The following POU2F1 variants were observed in gnomAD, a reference collection of about 807,000 sequenced individuals.
POU2F1 encodes the protein POU class 2 homeobox 1.
POU2F1 carries 16 observed loss-of-function variants against 84.9 expected under a neutral mutation model. That is an observed-to-expected ratio of 0.19 (90% CI 0.13 to 0.29). POU2F1 has a LOEUF of 0.29. POU2F1 is among the 10% of genes least tolerant of loss of function. The pLI, the probability that POU2F1 is intolerant of heterozygous loss-of-function variation, is 1.00. For synonymous variants in POU2F1, 368 were observed against 368.3 expected, an observed-to-expected ratio of 1.00 and a Z score of 0.01; for missense variants, 738 against 942.6, an observed-to-expected ratio of 0.78 and a Z score of 2.84.
chr1:167,329,227 A>G, intron 1 of POU2F1: 5 of 1,542,836 alleles, frequency 3.2e-6, no homozygotes, highest in Non-Finnish European at 4.4e-6. Context: ...CCAAACTGCT[A>G]CCTGTTTCTT....
chr1:167,251,804 G>A (rs1235761775), intron 1 of POU2F1, among the ~76,000 whole-genome samples: 1 of 151,286 alleles, frequency 6.6e-6, no homozygotes, highest in East Asian at 1.9e-4. Context: ...AATGGATAAC[G>A]TAAAATAATT....
At chr1:167,262,589 G>C (rs562753979) in intron 1 of POU2F1, among the ~76,000 whole-genome samples, 87 of 152,324 alleles carry the variant, frequency 5.7e-4, no homozygotes, top group African/African-American at 1.9e-3. Context: ...GAGGGAGCTA[G>C]AAGTTGTTTA....
At chr1:167,291,828 CATTT>C (rs1653945994) in intron 1 of POU2F1, among the ~76,000 whole-genome samples, 1 of 152,082 alleles carries the variant, frequency 6.6e-6, no homozygotes, top group Non-Finnish European at 1.5e-5. Context: ...TTAATAGCCT[CATTT>C]AGCCTCCTAA....
chr1:167,330,239 A>G (rs939106108), intron 1 of POU2F1, among the ~76,000 whole-genome samples: 3 of 152,112 alleles, frequency 2.0e-5, no homozygotes, highest in Non-Finnish European at 4.4e-5. Context: ...CTATATTGTC[A>G]TTTTCTGCAC....
In POU2F1 at chr1:167,396,273, G is replaced by A; in HGVS notation, c.988-13G>A. 1 of 1,613,792 alleles carries A rather than the reference G, an allele frequency of 6.2e-7. No homozygotes were observed. Among genetic ancestry groups the A allele is most frequent in the South Asian group, 1.1e-5 (1 of 91,036 alleles). ...CTTTCCTCTCCTCTTCTCCTGCTCT[G>A]TATTGTGTGTAGGGTGATGTTGGGC... On this transcript the variant is annotated splice_polypyrimidine_tract_variant and intron_variant, in intron 9 of 15. Transcript: ENST00000367866.
chr1:167,353,845 C>T (rs1220029827), intron 2 of POU2F1, among the ~76,000 whole-genome samples: 1 of 152,190 alleles, frequency 6.6e-6, no homozygotes, highest in East Asian at 1.9e-4. Flanking sequence ...CCTCAGAAGG[C>T]TTCTGTAGGC....
intron 1 of POU2F1, among the ~76,000 whole-genome samples, chr1:167,289,815 G>A (rs1653790352): frequency 6.6e-6 from 1 of 152,110 alleles, no homozygotes; most frequent in Admixed American, 6.6e-5. Flanking sequence ...TTGCTGGCTT[G>A]TGTTCTGTTC....
intron 1 of POU2F1, among the ~76,000 whole-genome samples, chr1:167,321,834 T>A (rs1204673881): frequency 6.6e-6 from 1 of 152,174 alleles, no homozygotes; most frequent in East Asian, 1.9e-4. Flanking sequence ...TCCTGCATCA[T>A]ATGTTGACTT....
chr1:167,232,241 T>C (rs927962594), intron 1 of POU2F1, among the ~76,000 whole-genome samples: 1 of 152,222 alleles, frequency 6.6e-6, no homozygotes, highest in Non-Finnish European at 1.5e-5. Flanking sequence ...TACAATCACG[T>C]ACCGCATAAT....
intron 1 of POU2F1, among the ~76,000 whole-genome samples, chr1:167,287,399 T>A (rs1221585861): frequency 6.6e-6 from 1 of 152,140 alleles, no homozygotes; most frequent in East Asian, 1.9e-4. Context: ...CTCATATTCC[T>A]CCAGATTAAA....
Position 167,372,033 on chromosome 1 carries a change from T to G in POU2F1, c.399T>G (p.Thr133=), listed in dbSNP as rs1292713465. The G allele has an allele frequency of 6.2e-7, 1 of 1,610,140 alleles. No homozygotes were observed. The highest frequency in any genetic ancestry group is 8.5e-7 in the Non-Finnish European group (1 of 1,178,542). ...TTATGCTAGCTGGAGGACAGATAAC[T>G]GGGGTAAGTGTTCACTGAGAGAATT... ...TQLMLAGGQI[T]GLTLTPAQQQ... is the part of the protein sequence containing the mutation. The change falls in exon 5 of 16, where the codon ACT becomes ACG. Residue 133 remains threonine (T), a synonymous_variant. Coordinates refer to ENST00000367866, the MANE Select transcript of POU2F1 (RefSeq NM_002697.4).
intron 13 of POU2F1, among the ~76,000 whole-genome samples, chr1:167,406,837 A>G (rs78420094): frequency 0.013 from 2,051 of 152,116 alleles, 25 homozygotes; most frequent in Non-Finnish European, 0.021. Flanking sequence ...GAAAACTACA[A>G]TTTGCTGAAA....
chr1:167,364,259 C>G (rs2101826055), intron 2 of POU2F1, among the ~76,000 whole-genome samples: 1 of 152,294 alleles, frequency 6.6e-6, no homozygotes, highest in South Asian at 2.1e-4. Context: ...AAAGCTCTTG[C>G]ATGGCTCACG....
chr1:167,289,472 G>A (rs1202061689), intron 1 of POU2F1, among the ~76,000 whole-genome samples: 2 of 152,190 alleles, frequency 1.3e-5, no homozygotes, highest in Non-Finnish European at 2.9e-5. Flanking sequence ...TCTCTCTGAG[G>A]AGGTGACATT....
At chr1:167,310,750 T>C (rs536801952) in intron 1 of POU2F1, among the ~76,000 whole-genome samples, 1 of 152,134 alleles carries the variant, frequency 6.6e-6, no homozygotes, top group African/African-American at 2.4e-5. Context: ...ATGGACACAC[T>C]TGAAACAAAT....
chr1:167,335,641 G>A (rs1657395454), intron 2 of POU2F1, among the ~76,000 whole-genome samples: 1 of 152,192 alleles, frequency 6.6e-6, no homozygotes, highest in Non-Finnish European at 1.5e-5. Flanking sequence ...TAAAGTAGTT[G>A]AGGTGGTCAT....
intron 1 of POU2F1, among the ~76,000 whole-genome samples, chr1:167,320,316 C>T (rs1334380411): frequency 1.3e-5 from 2 of 152,120 alleles, no homozygotes; most frequent in Non-Finnish European, 2.9e-5. Flanking sequence ...ACCTTTCAAG[C>T]CAGAATAAGA....
rs758039899 is a variant in POU2F1 at position 167,415,772 on chromosome 1, G to C, written c.2263G>C (p.Ala755Pro). The C allele has an allele frequency of 2.8e-5, 45 of 1,613,936 alleles. No homozygotes were observed. Among genetic ancestry groups the C allele is most frequent in the Non-Finnish European group, 3.6e-5 (42 of 1,180,000 alleles). ...CTTCACAGTGGCCTCTGCCAGCGGG[G>C]CTGCGTCCACCACCACCACCGCCTC... Reference protein sequence around the residue: ...SLFTVASASGAASTTTTASKA... With the variant: ...SLFTVASASGPASTTTTASKA... Residue 755 changes from alanine to proline, a missense_variant, in exon 16 of 16, where the codon GCT becomes CCT. Physicochemically the swap from Ala to Pro is conservative, Grantham distance 27. Around this residue, in one of 4 missense-constraint regions of POU2F1, gnomAD observed 319 missense variants for 386.0 expected, o/e 0.83. Coordinates refer to ENST00000367866, the MANE Select transcript of POU2F1 (RefSeq NM_002697.4).
At chr1:167,367,246 C>T (rs1659739686) in intron 3 of POU2F1, among the ~76,000 whole-genome samples, 1 of 152,184 alleles carries the variant, frequency 6.6e-6, no homozygotes, top group African/African-American at 2.4e-5. Context: ...CACCTTGAAC[C>T]TTTCCTTACC....
Sources: gnomAD v4.1 joint callset for allele counts (sites outside exome capture counted in the v4.1 genomes callset) on GRCh38, gnomAD v4.1.1 for gene constraint, gnomAD v4.1.1 regional missense constraint, MANE v1.5 for transcripts, NCBI Gene and HGNC (gene_info 2026-07-23, HGNC 2026-07-21) for gene names.